The following GRIK2 variants were observed in gnomAD, a reference collection of about 807,000 sequenced individuals.
The protein encoded by GRIK2 is glutamate receptor ionotropic, kainate 2.
A neutral mutation model predicts 100.3 loss-of-function variants in GRIK2; 32 were observed. That is an observed-to-expected ratio of 0.32 (90% confidence interval 0.24 to 0.43). The LOEUF is 0.43. GRIK2 is among the 20% of genes least tolerant of loss of function. The pLI, the probability that GRIK2 is intolerant of heterozygous loss-of-function variation, is 1.00. For synonymous variants in GRIK2, 417 were observed against 389.4 expected, an observed-to-expected ratio of 1.07 and a Z score of -0.83; for missense variants, 843 against 1,114.9, an observed-to-expected ratio of 0.76 and a Z score of 3.47.
chr6:101,707,636 A>G (rs937211975), intron 7 of GRIK2, among the ~76,000 whole-genome samples: 1 of 145,076 alleles, frequency 6.9e-6, no homozygotes, highest in Non-Finnish European at 1.5e-5. Flanking sequence ...ATGAATTGTG[A>G]TAATAGTCCC....
chr6:101,926,219 T>TC (rs1295664852), intron 13 of GRIK2, among the ~76,000 whole-genome samples: 10 of 140,708 alleles, frequency 7.1e-5, no homozygotes, highest in South Asian at 2.2e-4. Context: ...TTTTTTTTTT[T>TC]CCCTTAGGCT....
chr6:101,956,936 A>T (rs1276310204), intron 14 of GRIK2, among the ~76,000 whole-genome samples: 4 of 151,246 alleles, frequency 2.6e-5, no homozygotes, highest in Non-Finnish European at 5.9e-5. Context: ...TACTATGGTG[A>T]ATAGTGCTGT....
chr6:101,660,014 G>A (rs1769495626), intron 4 of GRIK2, among the ~76,000 whole-genome samples: 1 of 152,018 alleles, frequency 6.6e-6, no homozygotes, highest in African/African-American at 2.4e-5. Flanking sequence ...TTGAATGTTG[G>A]CCTCTCTTGC....
chr6:101,713,937 TCTTTC>T lies in GRIK2; in HGVS notation c.951+27588_951+27592del, dbSNP rs1773889690. Among the ~76,000 whole-genome samples, 7 of 151,902 alleles carry T rather than the reference TCTTTC, an allele frequency of 4.6e-5. 1 individual carries two copies. The South Asian group carries it at 1.4e-3, about 31-fold the overall frequency. On this transcript the variant is annotated intron_variant, in intron 7 of 16. Coordinates refer to ENST00000369134, the MANE Select transcript of GRIK2 (RefSeq NM_021956.5). ...CCTACGCTTGAATTAAGAATTGCTT[TCTTTC>T]CTTCATATTAGAGTAAGTTAAAATT...
intron 12 of GRIK2, among the ~76,000 whole-genome samples, chr6:101,890,712 A>G (rs1412707470): frequency 6.6e-6 from 1 of 152,038 alleles, no homozygotes; most frequent in Admixed American, 6.6e-5. Flanking sequence ...ATTTATAATC[A>G]TGTTTATTTA....
chr6:102,002,310 A>G (rs1794984511), intron 14 of GRIK2, among the ~76,000 whole-genome samples: 1 of 147,918 alleles, frequency 6.8e-6, no homozygotes, highest in Admixed American at 6.9e-5. Context: ...GTGTGTATAT[A>G]TATACATACT....
At chr6:101,936,774 G>T (rs546633819) in intron 14 of GRIK2, among the ~76,000 whole-genome samples, 4 of 152,230 alleles carry the variant, frequency 2.6e-5, no homozygotes, top group South Asian at 4.1e-4. Context: ...AGATGTGAAG[G>T]CTAGTTGGCA....
At chr6:101,670,051 C>G (rs1235461156) in intron 4 of GRIK2, among the ~76,000 whole-genome samples, 2 of 151,988 alleles carry the variant, frequency 1.3e-5, no homozygotes, top group African/African-American at 4.8e-5. Flanking sequence ...TTAAACTGTT[C>G]TCTAGACTGT....
chr6:101,711,613 C>T (rs1773701001), intron 7 of GRIK2, among the ~76,000 whole-genome samples: 1 of 151,728 alleles, frequency 6.6e-6, no homozygotes, highest in Non-Finnish European at 1.5e-5. Context: ...CCCTCTGAAG[C>T]AAAGCATTGA....
intron 2 of GRIK2, among the ~76,000 whole-genome samples, chr6:101,605,304 C>T (rs1421167586): frequency 6.6e-6 from 1 of 151,952 alleles, no homozygotes; most frequent in Non-Finnish European, 1.5e-5. Flanking sequence ...TTTCCTTACC[C>T]AGTGGTGAAT....
intron 7 of GRIK2, among the ~76,000 whole-genome samples, chr6:101,705,708 A>G (rs538274617): frequency 2.0e-5 from 3 of 151,910 alleles, no homozygotes; most frequent in Non-Finnish European, 2.9e-5. Flanking sequence ...TATGCTATCA[A>G]TGTAAAACAG....
chr6:101,732,010 A>G (rs1775306243), intron 7 of GRIK2, among the ~76,000 whole-genome samples: 1 of 152,126 alleles, frequency 6.6e-6, no homozygotes, highest in African/African-American at 2.4e-5. Context: ...ATGAGTAGTG[A>G]ACAGCGTATC....
intron 11 of GRIK2, among the ~76,000 whole-genome samples, chr6:101,867,510 T>C (rs1785125468): frequency 6.6e-6 from 1 of 151,824 alleles, no homozygotes; most frequent in Admixed American, 6.6e-5. Context: ...TCAGTGTAAT[T>C]CTGATTTATG....
intron 3 of GRIK2, 71 bp downstream of exon 3, chr6:101,622,187 T>A: frequency 2.2e-6 from 2 of 920,634 alleles, no homozygotes; most frequent in Middle Eastern, 2.2e-4. Context: ...GAGATTTTTT[T>A]ATTTTTCAAC....
At chr6:101,650,453 C>T (rs771191920) in intron 4 of GRIK2, among the ~76,000 whole-genome samples, 12 of 152,034 alleles carry the variant, frequency 7.9e-5, no homozygotes, top group East Asian at 1.9e-4. Flanking sequence ...AATACTCAGT[C>T]GACAAAGAGA....
intron 11 of GRIK2, among the ~76,000 whole-genome samples, chr6:101,881,951 G>C (rs1244667312): frequency 6.6e-6 from 1 of 152,058 alleles, no homozygotes; most frequent in East Asian, 1.9e-4. Flanking sequence ...AGAAAAAGTA[G>C]TTTAATGAAT....
chr6:101,779,009 ATATTT>A (rs774218961), intron 7 of GRIK2, among the ~76,000 whole-genome samples: 10 of 151,980 alleles, frequency 6.6e-5, no homozygotes, highest in Non-Finnish European at 1.3e-4. Context: ...ATATTTGGAG[ATATTT>A]TAATTATATA....
intron 7 of GRIK2, among the ~76,000 whole-genome samples, chr6:101,734,730 G>A (rs1405844899): frequency 2.6e-5 from 4 of 152,178 alleles, no homozygotes; most frequent in African/African-American, 9.7e-5. Flanking sequence ...TTGTCCTAAG[G>A]AAAATGACAA....
At position 101,469,655 on chromosome 6, in the gene GRIK2, A is replaced by G. The variant is rs148355188; in HGVS notation, c.115+70263A>G. Among the ~76,000 whole-genome samples the G allele has an allele frequency of 5.3e-3, 804 of 152,258 alleles. 3 individuals are homozygous for G. Among genetic ancestry groups the G allele is most frequent in the African/African-American group, 0.019 (784 of 41,556 alleles). On this transcript the variant is annotated intron_variant, in intron 2 of 16. Coordinates refer to ENST00000369134, the MANE Select transcript of GRIK2 (RefSeq NM_021956.5). ...CAGTCAATGTTTTAACCCTTGCTGT[A>G]TTGAGTATTCCCTTTTCTTCGTTTA...
Sources: allele counts gnomAD v4.1 joint callset (sites outside exome capture counted in the v4.1 genomes callset), GRCh38; gene constraint gnomAD v4.1.1; transcripts MANE v1.5; gene names NCBI Gene and HGNC (gene_info 2026-07-23, HGNC 2026-07-21).